MYLIP: variants seen among roughly 807,000 people sequenced by gnomAD.
MYLIP encodes the protein myosin regulatory light chain interacting protein.
MYLIP carries 26 observed loss-of-function variants against 45.8 expected under a neutral mutation model. That is an observed-to-expected ratio of 0.57 (90% confidence interval 0.42 to 0.79). The LOEUF (loss-of-function observed/expected upper bound fraction) is 0.79, where lower values mean the gene tolerates loss of function less well. Ranked by LOEUF, MYLIP falls within the 30% of genes least tolerant of loss-of-function variation. The pLI, the probability that MYLIP is intolerant of heterozygous loss-of-function variation, is 0.00. For synonymous variants in MYLIP, 213 were observed against 218.1 expected (o/e 0.98, Z 0.21); for missense variants, 494 against 555.6 (o/e 0.89, Z 1.11).
chr6:16,156,685 G>A, the MYLIP span, among the ~76,000 whole-genome samples: 14 of 152,316 alleles, frequency 9.2e-5, no homozygotes, highest in Admixed American at 3.9e-4. Context: ...TTGAATATCC[G>A]TGGCTTGGGA....
At chr6:16,156,324 A>C in the MYLIP span, among the ~76,000 whole-genome samples, 26 of 152,238 alleles carry the variant, frequency 1.7e-4, no homozygotes, top group Admixed American at 1.7e-3. Flanking sequence ...TCTTCTGCCC[A>C]GAATTTCTCA....
At chr6:16,158,809 G>T in the MYLIP span, among the ~76,000 whole-genome samples, 1 of 152,182 alleles carries the variant, frequency 6.6e-6, no homozygotes, top group Non-Finnish European at 1.5e-5. Context: ...GGCGGAGCTT[G>T]CAGTGAGCCG....
At chr6:16,134,250 T>C (rs1759509645) in intron 2 of MYLIP, among the ~76,000 whole-genome samples, 1 of 152,236 alleles carries the variant, frequency 6.6e-6, no homozygotes, top group African/African-American at 2.4e-5. Flanking sequence ...TGTTGAATCA[T>C]AGAATTAAGA....
rs147184996 is a variant in MYLIP at position 16,141,938 on chromosome 6, C to T, written c.464+128C>T. On this transcript the variant is annotated intron_variant, in intron 3 of 6. Transcript: ENST00000356840. ...GTACATTTTTGAGCTCTCTGATGTT[C>T]GAGGCACTTAAGAAGTCATACATAA... is the stretch of plus-strand genomic sequence containing the variant. 1,064 of 838,078 alleles carry T rather than the reference C, an allele frequency of 1.3e-3. 14 individuals carry two copies. In the African/African-American group the frequency reaches 0.016, roughly 13 times the overall value. 51.9% of individuals were successfully genotyped at this position (838,078 alleles called of 1,614,324 possible).
chr6:16,132,829 A>G (rs1247255291), intron 2 of MYLIP, among the ~76,000 whole-genome samples: 2 of 152,252 alleles, frequency 1.3e-5, no homozygotes, highest in African/African-American at 2.4e-5. Context: ...TACTTATATA[A>G]AATGCCATGA....
chr6:16,146,615 C>A, intron 6 of MYLIP, 47 bp from the exon 7 acceptor site: 2 of 1,494,794 alleles, frequency 1.3e-6, no homozygotes, highest in Non-Finnish European at 1.8e-6. Context: ...ACAGGCCCCC[C>A]ACCGAGGCTT....
At chr6:16,154,695 G>C in the MYLIP span, among the ~76,000 whole-genome samples, 2 of 152,170 alleles carry the variant, frequency 1.3e-5, no homozygotes, top group Non-Finnish European at 2.9e-5. Flanking sequence ...TGCTTTTAAG[G>C]AGTGTGACTA....
chr6:16,159,473 G>C, the MYLIP span, among the ~76,000 whole-genome samples: 1 of 152,086 alleles, frequency 6.6e-6, no homozygotes, highest in Non-Finnish European at 1.5e-5. Context: ...CGGTCTTTTT[G>C]GTTTGGAAAA....
intron 2 of MYLIP, among the ~76,000 whole-genome samples, chr6:16,131,595 T>G (rs1759461912): frequency 6.6e-6 from 1 of 152,246 alleles, no homozygotes. Context: ...AACAGCTACT[T>G]TGAAGACATA....
Position 16,129,186 on chromosome 6 carries a change from C to T in MYLIP, c.-137C>T, listed in dbSNP as rs1759400908. Reference sequence around the variant, plus strand: ...GACGCGAGTGGCGGCCGCGGGGCCCCGGACAAGGGTCCGCAGAGCTGCAGC... The same window carrying T: ...GACGCGAGTGGCGGCCGCGGGGCCCTGGACAAGGGTCCGCAGAGCTGCAGC... On this transcript the variant is annotated 5_prime_UTR_variant, in exon 1 of 7. Coordinates refer to ENST00000356840, the MANE Select transcript of MYLIP (RefSeq NM_013262.4). This position sits in a 1 kb window ranked among gnomAD's most constrained non-coding sequence, Gnocchi z 5.1. 2.3e-6 allele frequency: 2 copies of T among 881,838 alleles called. No individual in the cohort carries two copies. Among genetic ancestry groups the T allele is most frequent in the Non-Finnish European group, 3.4e-6 (2 of 593,240 alleles). The allele number at this position is 881,838 out of a possible 1,614,324, so 54.6% of individuals were successfully genotyped here. A position where few individuals can be genotyped will look rare whatever the true frequency, so the allele number is the denominator to read the frequency against.
At chr6:16,130,231 G>A (rs1008688237) in intron 1 of MYLIP, among the ~76,000 whole-genome samples, 12 of 152,168 alleles carry the variant, frequency 7.9e-5, no homozygotes, top group Non-Finnish European at 1.8e-4. Context: ...GTATGCTGGT[G>A]GAGGGAATTC....
intron 2 of MYLIP, among the ~76,000 whole-genome samples, chr6:16,136,016 T>C (rs1759549418): frequency 2.6e-5 from 4 of 152,034 alleles, no homozygotes; most frequent in African/African-American, 9.7e-5. Flanking sequence ...TATATAAGTA[T>C]GTTTCCCCGT....
rs1759400985 is a variant in MYLIP, at chr6:16,129,187, G to C, written c.-136G>C. The C allele has an allele frequency of 1.1e-6, 1 of 901,834 alleles. No homozygotes were observed. Among genetic ancestry groups the C allele is most frequent in the Non-Finnish European group, 1.7e-6 (1 of 604,438 alleles). 55.9% of individuals were successfully genotyped at this position (901,834 alleles called of 1,614,324 possible). A position where few individuals can be genotyped will look rare whatever the true frequency, so the allele number is the denominator to read the frequency against. On this transcript the variant is annotated 5_prime_UTR_variant, in exon 1 of 7. Transcript: ENST00000356840. The surrounding 1 kb of genome is among the most constrained non-coding windows in gnomAD (Gnocchi z 5.1). ...ACGCGAGTGGCGGCCGCGGGGCCCCGGACAAGGGTCCGCAGAGCTGCAGCC... is the reference window on the plus strand; with the variant it reads ...ACGCGAGTGGCGGCCGCGGGGCCCCCGACAAGGGTCCGCAGAGCTGCAGCC...
intron 6 of MYLIP, among the ~76,000 whole-genome samples, chr6:16,145,860 G>A (rs545180609): frequency 2.0e-5 from 3 of 152,248 alleles, no homozygotes; most frequent in African/African-American, 4.8e-5. Context: ...ATATTAACAC[G>A]AAAAAGAGAA....
chr6:16,153,046 T>C (rs551985957), downstream of MYLIP, among the ~76,000 whole-genome samples: 1 of 152,294 alleles, frequency 6.6e-6, no homozygotes, highest in African/African-American at 2.4e-5. Flanking sequence ...ACAAAGATCA[T>C]AAAAGGGAAT....
In MYLIP at chr6:16,147,837, T is replaced by C. The variant is rs1274270476; in HGVS notation, c.*1086T>C. On this transcript the variant is annotated 3_prime_UTR_variant, in exon 7 of 7. Transcript: ENST00000356840. ...GTATGTTTCGAAGGGGTTTTGGTTCTTTTTGCTTCTGTTTTCTTAAACATG... is the reference window on the plus strand; with the variant it reads ...GTATGTTTCGAAGGGGTTTTGGTTCCTTTTGCTTCTGTTTTCTTAAACATG... The C allele has an allele frequency of 6.6e-6, 1 of 152,650 alleles. No homozygotes were observed. The highest frequency in any genetic ancestry group is 1.5e-5 in the Non-Finnish European group (1 of 68,040). The allele number at this position is 152,650 out of a possible 1,614,324, so 9.5% of individuals were successfully genotyped here.
intron 3 of MYLIP, 139 bp from the exon 4 acceptor site, chr6:16,142,881 A>G: frequency 1.2e-6 from 1 of 865,426 alleles, no homozygotes; most frequent in South Asian, 1.8e-5. Context: ...CGCTAAATAC[A>G]TGAAACATCA....
Position 16,145,058 on chromosome 6 carries a change from T to C in MYLIP, c.989T>C (p.Leu330Pro). 1.2e-6 allele frequency: 2 copies of C among 1,614,220 alleles called. No homozygotes were observed. The highest frequency in any genetic ancestry group is 1.7e-6 in the Non-Finnish European group (2 of 1,180,026). Residue 330 changes from leucine (L) to proline (P), a missense_variant, in exon 6 of 7, where the codon CTG (leucine) becomes CCG (proline). Physicochemically the swap from Leu to Pro is moderately conservative, Grantham distance 98. Transcript: ENST00000356840. Reference sequence around the variant, plus strand: ...GTGTATGACCATGCCAGGAGGGCTCTGTACAATGCTGGCGTTGTGGACCTC... The same window carrying C: ...GTGTATGACCATGCCAGGAGGGCTCCGTACAATGCTGGCGTTGTGGACCTC... ...KEVYDHARRA[L>P]YNAGVVDLVS...
intron 2 of MYLIP, among the ~76,000 whole-genome samples, chr6:16,139,846 G>A (rs565060423): frequency 1.8e-4 from 28 of 151,746 alleles, no homozygotes; most frequent in South Asian, 2.1e-4. Context: ...TTCTTTACAC[G>A]GGCTTTGAAA....
Sources: allele counts gnomAD v4.1 joint callset (sites outside exome capture counted in the v4.1 genomes callset), GRCh38; gene constraint gnomAD v4.1.1; non-coding constraint Gnocchi (gnomAD v3.1); transcripts MANE v1.5; gene names NCBI Gene and HGNC (gene_info 2026-07-23, HGNC 2026-07-21).